Variants in CEP126 observed in about 807,000 individuals in gnomAD.
The protein encoded by CEP126 is centrosomal protein of 126 kDa.
Under a neutral mutation model 107.8 loss-of-function variants are expected in CEP126, and 74 were observed. The observed-to-expected ratio is 0.69, with a 90% confidence interval of 0.57 to 0.83. The LOEUF (loss-of-function observed/expected upper bound fraction) is 0.83, where lower values mean the gene tolerates loss of function less well. CEP126 is among the 40% of genes least tolerant of loss of function. The pLI is 0.00. For synonymous variants in CEP126, 449 were observed against 446.0 expected, an observed-to-expected ratio of 1.01 and a Z score of -0.08; for missense variants, 1,237 against 1,281.9, an observed-to-expected ratio of 0.96 and a Z score of 0.53.
chr11:101,952,165 T>C (rs1484825967), intron 4 of CEP126, among the ~76,000 whole-genome samples: 2 of 152,158 alleles, frequency 1.3e-5, no homozygotes, highest in East Asian at 3.9e-4. Context: ...TGAGAAGGCA[T>C]AGAATCATAA....
chr11:101,981,350 G>A (rs1254902491), intron 7 of CEP126, among the ~76,000 whole-genome samples: 1 of 152,072 alleles, frequency 6.6e-6, no homozygotes, highest in Non-Finnish European at 1.5e-5. Context: ...CTGGAGTGCA[G>A]TGGCACAGTC....
At chr11:101,984,608 A>T (rs1016620177) in intron 8 of CEP126, among the ~76,000 whole-genome samples, 1 of 152,226 alleles carries the variant, frequency 6.6e-6, no homozygotes, top group Non-Finnish European at 1.5e-5. Context: ...TGACAATATG[A>T]TGAAAATGTG....
At chr11:101,941,552 C>CAGTT (rs1205831141) in intron 2 of CEP126, among the ~76,000 whole-genome samples, 1 of 152,086 alleles carries the variant, frequency 6.6e-6, no homozygotes, top group Non-Finnish European at 1.5e-5. Context: ...CATTTATGAA[C>CAGTT]AGTTGGGTTG....
chr11:101,934,327 C>T (rs1225433233), intron 2 of CEP126, among the ~76,000 whole-genome samples: 1 of 152,016 alleles, frequency 6.6e-6, no homozygotes, highest in Non-Finnish European at 1.5e-5. Flanking sequence ...TTGAACTTCA[C>T]GCATTCAATG....
intron 2 of CEP126, among the ~76,000 whole-genome samples, chr11:101,926,201 G>A (rs1940407102): frequency 1.3e-5 from 2 of 152,224 alleles, no homozygotes; most frequent in Admixed American, 1.3e-4. Context: ...AGATTCTATG[G>A]AAGCACATGC....
At chr11:101,918,956 G>A (rs554598002) in intron 1 of CEP126, among the ~76,000 whole-genome samples, 18 of 152,246 alleles carry the variant, frequency 1.2e-4, no homozygotes, top group African/African-American at 3.9e-4. Context: ...ATCTTAGTGC[G>A]TCTGGACATA....
At chr11:101,977,073 A>AT (rs1941199935) in intron 6 of CEP126, among the ~76,000 whole-genome samples, 1 of 152,176 alleles carries the variant, frequency 6.6e-6, no homozygotes, top group Admixed American at 6.5e-5. Context: ...CTAAAGTAAA[A>AT]TTTTAAATTT....
intron 5 of CEP126, among the ~76,000 whole-genome samples, chr11:101,959,313 G>A (rs1020941322): frequency 6.6e-6 from 1 of 151,844 alleles, no homozygotes; most frequent in African/African-American, 2.4e-5. Context: ...CCGCCACCAC[G>A]CCCAGCTAAT....
intron 6 of CEP126, among the ~76,000 whole-genome samples, chr11:101,973,708 T>C (rs1941160302): frequency 6.6e-6 from 1 of 152,162 alleles, no homozygotes. Flanking sequence ...TAAAAAGGCA[T>C]AGAAAAACTT....
Position 101,963,775 on chromosome 11 carries a change from T to G in CEP126, c.2740T>G (p.Cys914Gly). 1 of 1,614,144 alleles carries G rather than the reference T, an allele frequency of 6.2e-7. No individual in the cohort carries two copies. The highest frequency in any genetic ancestry group is 2.2e-5 in the East Asian group (1 of 44,876). The change falls in exon 6 of 11, where the codon TGT becomes GGT. Residue 914 changes from cysteine (C) to glycine (G), a missense_variant. Physicochemically the swap from Cys to Gly is radical, Grantham distance 159. Around this residue, in one of 3 missense-constraint regions of CEP126, gnomAD observed 1,134 missense variants for 1,150.5 expected, o/e 0.99. Coordinates refer to ENST00000263468, the MANE Select transcript of CEP126 (RefSeq NM_020802.4). The part of the protein sequence containing the change: ...TLYCTQRSPV[C>G]EESYPSVTLR... ...ATATTGCACCCAAAGAAGTCCTGTT[T>G]GTGAAGAAAGTTATCCGTCTGTGAC... is the stretch of plus-strand genomic sequence containing the variant.
intron 6 of CEP126, among the ~76,000 whole-genome samples, chr11:101,972,280 G>A (rs918343258): frequency 6.6e-6 from 1 of 151,458 alleles, no homozygotes; most frequent in African/African-American, 2.4e-5. Flanking sequence ...CAAAAAATTA[G>A]CCGGGCGTGG....
intron 8 of CEP126, among the ~76,000 whole-genome samples, chr11:101,982,485 T>G (rs911598689): frequency 1.3e-5 from 2 of 152,190 alleles, no homozygotes; most frequent in Non-Finnish European, 2.9e-5. Context: ...CTTTCATTAA[T>G]ATTATGCTTA....
Position 101,955,888 on chromosome 11 carries a change from A to G in CEP126, c.507-2280A>G, listed in dbSNP as rs190860338. 457 of 455,936 alleles carry G rather than the reference A, an allele frequency of 1.0e-3. 1 individual carries two copies. The highest frequency in any genetic ancestry group is 1.6e-3 in the Non-Finnish European group (360 of 226,808). 28.2% of individuals were successfully genotyped at this position (455,936 alleles called of 1,614,324 possible). ...TCCCATTGCGGTCCCACCACTTCCA[A>G]ATTCTTCCTAGCTACCCAACTGTTT... On this transcript the variant is annotated intron_variant, in intron 4 of 10. Transcript: ENST00000263468.
chr11:101,922,508 G>A, intron 1 of CEP126, 133 bp from the exon 2 acceptor site: 1 of 717,052 alleles, frequency 1.4e-6, no homozygotes. Flanking sequence ...TACTAATGTG[G>A]GCACATACTA....
At chr11:101,978,988 CA>C (rs11327683) in intron 7 of CEP126, among the ~76,000 whole-genome samples, 3,256 of 152,000 alleles carry the variant, frequency 0.021, 69 homozygotes, top group African/African-American at 0.053. Flanking sequence ...AAAAATTAGC[CA>C]GGGGTGGTGG....
At chr11:101,957,983 CT>C (rs1259224309) in intron 4 of CEP126, among the ~76,000 whole-genome samples, 184 bp from the exon 5 acceptor site, 1 of 152,174 alleles carries the variant, frequency 6.6e-6, no homozygotes, top group East Asian at 1.9e-4. Context: ...CTCACAACTA[CT>C]TTTATTCTAC....
chr11:101,939,325 G>A (rs1940634955), intron 2 of CEP126, among the ~76,000 whole-genome samples: 1 of 152,044 alleles, frequency 6.6e-6, no homozygotes, highest in African/African-American at 2.4e-5. Flanking sequence ...ATTATGAAAT[G>A]TTGTCTTTTA....
At chr11:101,987,967 T>TAAAA (rs3043916) in intron 9 of CEP126, among the ~76,000 whole-genome samples, 9,847 of 145,582 alleles carry the variant, frequency 0.068, 473 homozygotes, top group East Asian at 0.26. Context: ...AGCCTACAAT[T>TAAAA]AAAAAAAAAG....
chr11:101,993,972 G>C (rs1941414411), intron 10 of CEP126, among the ~76,000 whole-genome samples: 1 of 152,160 alleles, frequency 6.6e-6, no homozygotes, highest in Non-Finnish European at 1.5e-5. Context: ...GGTGGCTCAT[G>C]CCTGTAATCC....
Sources: gnomAD v4.1 joint callset for allele counts (sites outside exome capture counted in the v4.1 genomes callset) on GRCh38, gnomAD v4.1.1 for gene constraint, gnomAD v4.1.1 regional missense constraint, MANE v1.5 for transcripts, NCBI Gene and HGNC (gene_info 2026-07-23, HGNC 2026-07-21) for gene names.